Variants in MED1 observed in about 807,000 individuals in gnomAD.
The protein encoded by MED1 is mediator of RNA polymerase II transcription subunit 1.
A neutral mutation model predicts 121.3 loss-of-function variants in MED1; 17 were observed. That is an observed-to-expected ratio of 0.14 (90% CI 0.10 to 0.21). MED1 has a LOEUF of 0.21. MED1 is among the 10% of genes least tolerant of loss of function. The pLI is 1.00. For missense variants in MED1, 1,558 were observed against 1,919.4 expected, an observed-to-expected ratio of 0.81 and a Z score of 3.52; for synonymous variants, 661 against 694.4, an observed-to-expected ratio of 0.95 and a Z score of 0.76.
In MED1 at chr17:39,407,849, G is replaced by A; in HGVS notation, c.4372C>T (p.Pro1458Ser). The change falls in exon 17 of 17, where the codon CCC becomes TCC. Residue 1458 changes from proline to serine, a missense_variant. Transcript: ENST00000300651. ...PSHSKSPAYT[P>S]QNLDSESESG... is the part of the protein sequence containing the mutation. ...TCACTTTCACTGTCCAGATTCTGGG[G>A]GGTATATGCTGGTGACTTACTATGG... The A allele has an allele frequency of 6.2e-7, 1 of 1,614,118 alleles. No homozygotes were observed. Among genetic ancestry groups the A allele is most frequent in the Non-Finnish European group, 8.5e-7 (1 of 1,180,024 alleles).
intron 14 of MED1, among the ~76,000 whole-genome samples, chr17:39,419,007 A>G (rs533525511): frequency 1.3e-5 from 2 of 152,092 alleles, no homozygotes; most frequent in Admixed American, 6.6e-5. Flanking sequence ...GGATGGTCTC[A>G]ATCTCTTGAC....
chr17:39,433,075 C>T (rs767198570), intron 7 of MED1, among the ~76,000 whole-genome samples: 1 of 152,026 alleles, frequency 6.6e-6, no homozygotes, highest in African/African-American at 2.4e-5. Context: ...CAGTGGTGGG[C>T]GCCTTTAATC....
chr17:39,406,559 C>CT lies in MED1; in HGVS notation c.*915dup, dbSNP rs11390065. 0.07 allele frequency: 55,500 copies of CT among 795,848 alleles called. No individual in the cohort carries two copies. The highest frequency in any genetic ancestry group is 0.076 in the Non-Finnish European group (50,524 of 665,014). The allele number at this position is 795,848 out of a possible 1,614,324, so 49.3% of individuals were successfully genotyped here. A position where few individuals can be genotyped will look rare whatever the true frequency, so the allele number is the denominator to read the frequency against. ...TTTACATCCCAACAAGCCACCTTAGCTTTTTTTTTTTTTTTTGAAAGGAAA... is the reference window on the plus strand; with the variant it reads ...TTTACATCCCAACAAGCCACCTTAGCTTTTTTTTTTTTTTTTTGAAAGGAAA... On this transcript the variant is annotated 3_prime_UTR_variant, in exon 17 of 17. Transcript: ENST00000300651.
chr17:39,429,293 A>C (rs1662858854), intron 9 of MED1, among the ~76,000 whole-genome samples: 1 of 152,172 alleles, frequency 6.6e-6, no homozygotes, highest in South Asian at 2.1e-4. Context: ...TAAGGGCTGA[A>C]GTGAGCTATG....
rs1375989512 is a variant in MED1 at position 39,406,749 on chromosome 17, G to C, written c.*726C>G. The C allele has an allele frequency of 2.0e-6, 2 of 985,354 alleles. No homozygotes were observed. Among genetic ancestry groups the C allele is most frequent in the African/African-American group, 3.5e-5 (2 of 57,310 alleles). The allele number at this position is 985,354 out of a possible 1,614,324, so 61.0% of individuals were successfully genotyped here. On this transcript the variant is annotated 3_prime_UTR_variant, in exon 17 of 17. Transcript: ENST00000300651. ...TAATTTGCTTGGGCTTGATGCTACA[G>C]TATTAGCACAAGCTATAAGCTCCCT...
At chr17:39,437,696 A>T (rs562061354) in intron 6 of MED1, among the ~76,000 whole-genome samples, 1 of 152,284 alleles carries the variant, frequency 6.6e-6, no homozygotes, top group African/African-American at 2.4e-5. Context: ...GCACTTTGGG[A>T]GGCCAAGGCA....
intron 8 of MED1, 44 bp downstream of exon 8, chr17:39,431,898 A>C: frequency 1.4e-6 from 2 of 1,415,810 alleles, no homozygotes; most frequent in Non-Finnish European, 2.0e-6. Context: ...TCCCCAGAGA[A>C]AAACTCAAGG....
intron 2 of MED1, 145 bp downstream of exon 2, chr17:39,447,653 T>C (rs1333565699): frequency 1.2e-5 from 6 of 507,320 alleles, no homozygotes; most frequent in Admixed American, 3.5e-5. Context: ...ACCTGTAGTA[T>C]AGATACAATA....
Position 39,415,020 on chromosome 17 carries a change from G to A in MED1, c.1499+6C>T, listed in dbSNP as rs1167764323. ...TGGGACTCAGATGAAAAAGGGCCAA[G>A]GCTACCTTTGAACAACTTTGGCAAT... On this transcript the variant is annotated splice_donor_region_variant and intron_variant, in intron 16 of 16. Coordinates refer to ENST00000300651, the MANE Select transcript of MED1 (RefSeq NM_004774.4). 2.5e-6 allele frequency: 4 copies of A among 1,612,342 alleles called. No individual in the cohort carries two copies. The highest frequency in any genetic ancestry group is 1.3e-5 in the African/African-American group (1 of 74,854).
intron 6 of MED1, 23 bp downstream of exon 6, chr17:39,439,142 G>T (rs1482722746): frequency 6.3e-7 from 1 of 1,588,970 alleles, no homozygotes; most frequent in Non-Finnish European, 8.5e-7. Context: ...CAATATCAAG[G>T]AATATAAATC....
chr17:39,421,646 C>T lies in MED1; in HGVS notation c.1095+1681G>A, dbSNP rs190798297. Among the ~76,000 whole-genome samples, 296 of 152,216 alleles carry T rather than the reference C, an allele frequency of 1.9e-3. 1 individual carries two copies. The highest frequency in any genetic ancestry group is 6.9e-3 in the African/African-American group (287 of 41,560). ...CAAGTGATCTGCCTTGCCTTGGCCT[C>T]CCAAAGTGCTGGGATTACAGGTGTG... On this transcript the variant is annotated intron_variant, in intron 13 of 16. Transcript: ENST00000300651.
rs2048562609 is a variant in MED1, at chr17:39,431,258, AG to A, written c.576-71del. ...GGTCTTGGTACACACTGTGATATTG[AG>A]TTCACCTCTCCGAAGTCTTGTCTTT... On this transcript the variant is annotated intron_variant, in intron 8 of 16. Coordinates refer to ENST00000300651, the MANE Select transcript of MED1 (RefSeq NM_004774.4). 4 of 1,223,882 alleles carry A rather than the reference AG, an allele frequency of 3.3e-6. No homozygotes were observed. The East Asian group carries it at 9.6e-5, about 29-fold the overall frequency. The allele number at this position is 1,223,882 out of a possible 1,614,324, so 75.8% of individuals were successfully genotyped here.
intron 10 of MED1, among the ~76,000 whole-genome samples, chr17:39,425,260 G>A (rs183725094): frequency 5.7e-4 from 86 of 151,470 alleles, no homozygotes; most frequent in African/African-American, 1.6e-3. Context: ...GTGTGATCTC[G>A]ACTCACTGCA....
At position 39,447,801 on chromosome 17, in the gene MED1, G is replaced by A; in HGVS notation, c.129C>T (p.Val43=). 1 of 1,609,348 alleles carries A rather than the reference G, an allele frequency of 6.2e-7. No individual in the cohort carries two copies. The highest frequency in any genetic ancestry group is 8.5e-7 in the Non-Finnish European group (1 of 1,176,254). ...WSETIKLVRQ[V]MEKRVVMSSG... ...CCCACTTCACCACAATCCTTACCAT[G>A]ACTTGACGCACAAGCTTAATGGTTT... is the stretch of plus-strand genomic sequence containing the variant. The change falls in exon 2 of 17, where the codon GTC becomes GTT. Residue 43 remains valine (V), a synonymous_variant. Transcript: ENST00000300651.
intron 13 of MED1, among the ~76,000 whole-genome samples, chr17:39,421,624 G>C (rs1236767524): frequency 1.3e-5 from 2 of 152,010 alleles, no homozygotes; most frequent in African/African-American, 4.8e-5. Flanking sequence ...CTGAGCTCAA[G>C]TGATCTGCCT....
chr17:39,411,807 T>C, intron 16 of MED1, among the ~76,000 whole-genome samples: 1 of 151,870 alleles, frequency 6.6e-6, no homozygotes, highest in East Asian at 1.9e-4. Flanking sequence ...GAGACCAGCC[T>C]GGCCAACATA....
At position 39,405,798 on chromosome 17, in the gene MED1, T is replaced by C; in HGVS notation, c.*1677A>G. ...AGACAGGAAAGAAAGCCAAAGCTGATTTTCCAACTCTATGCTGACTCCAAC... is the reference window on the plus strand; with the variant it reads ...AGACAGGAAAGAAAGCCAAAGCTGACTTTCCAACTCTATGCTGACTCCAAC... On this transcript the variant is annotated 3_prime_UTR_variant, in exon 17 of 17. Transcript: ENST00000300651. 1.0e-6 allele frequency: 1 copy of C among 986,412 alleles called. No homozygotes were observed. The highest frequency in any genetic ancestry group is 1.2e-6 in the Non-Finnish European group (1 of 830,510). The allele number at this position is 986,412 out of a possible 1,614,324, so 61.1% of individuals were successfully genotyped here.
Position 39,443,562 on chromosome 17 carries a change from T to C in MED1, c.199A>G (p.Lys67Glu). The C allele has an allele frequency of 6.2e-7, 1 of 1,613,606 alleles. No individual in the cohort carries two copies. The highest frequency in any genetic ancestry group is 8.5e-7 in the Non-Finnish European group (1 of 1,179,544). The change falls in exon 3 of 17, where the codon AAG (lysine) becomes GAG (glutamate). Residue 67 changes from lysine to glutamate, a missense_variant. By Grantham distance (56) the Lys-to-Glu change is moderately conservative (BLOSUM62 1). Transcript: ENST00000300651. ...HLVSCLETLQ[K>E]ALKVTSLPAM... ...AGTGTTCACAAACCTTTGAGAGCCT[T>C]CTGCAATGTCTCCAAACAGCTGACC...
rs1309121956 is a variant in MED1, at chr17:39,415,019, A to C, written c.1499+7T>G. 1 of 1,612,622 alleles carries C rather than the reference A, an allele frequency of 6.2e-7. No individual in the cohort carries two copies. The highest frequency in any genetic ancestry group is 8.5e-7 in the Non-Finnish European group (1 of 1,178,714). On this transcript the variant is annotated splice_region_variant and intron_variant, in intron 16 of 16. Coordinates refer to ENST00000300651, the MANE Select transcript of MED1 (RefSeq NM_004774.4). ...ATGGGACTCAGATGAAAAAGGGCCA[A>C]GGCTACCTTTGAACAACTTTGGCAA...
Sources: allele counts gnomAD v4.1 joint callset (sites outside exome capture counted in the v4.1 genomes callset), GRCh38; gene constraint gnomAD v4.1.1; transcripts MANE v1.5; gene names NCBI Gene and HGNC (gene_info 2026-07-23, HGNC 2026-07-21).